The following HK1 variants were observed in gnomAD, a reference collection of about 807,000 sequenced individuals.
HK1 encodes hexokinase 1.
Under a neutral mutation model 91.6 loss-of-function variants are expected in HK1, and 28 were observed. That is an observed-to-expected ratio of 0.31 (90% CI 0.23 to 0.42). HK1 has a LOEUF of 0.42. Ranked by LOEUF, HK1 falls within the 10% of genes least tolerant of loss-of-function variation. The pLI is 1.00. For synonymous variants in HK1, 430 were observed against 468.1 expected (o/e 0.92, Z 1.05); for missense variants, 770 against 1,219.8 (o/e 0.63, Z 5.49).
At chr10:69,324,616 TG>T (rs1399432024) in intron 1 of HK1, among the ~76,000 whole-genome samples, 2 of 152,174 alleles carry the variant, frequency 1.3e-5, no homozygotes, top group African/African-American at 4.8e-5. Context: ...AAGTATTTGC[TG>T]TGTTATATGT....
intron 13 of HK1, among the ~76,000 whole-genome samples, chr10:69,386,963 C>T (rs1564564328): frequency 6.6e-6 from 1 of 151,896 alleles, no homozygotes; most frequent in Non-Finnish European, 1.5e-5. Flanking sequence ...AATCATGACT[C>T]TCATACAAAT....
Position 69,384,981 on chromosome 10 carries a change from G to T in HK1, c.1839+66G>T, listed in dbSNP as rs1291832435. On this transcript the variant is annotated intron_variant, in intron 12 of 17. Coordinates refer to ENST00000359426, the MANE Select transcript of HK1 (RefSeq NM_000188.3). ...GAGTCCCCTGTGGCCTGGGTGGGCT[G>T]GCCCTTGAGGCCTTCTCCAGCCTCA... 9 of 1,542,310 alleles carry T rather than the reference G, an allele frequency of 5.8e-6. No homozygotes were observed. The Admixed American group carries it at 8.3e-5, about 14-fold the overall frequency.
chr10:69,379,958 C>T lies in HK1; in HGVS notation c.1128C>T (p.Thr376=), dbSNP rs1384856161. ...GTGTCTCAGTCCAGCACGTTTGCACCATTGTCTCATTTCGCTCAGCCAACT... is the reference window on the plus strand; with the variant it reads ...GTGTCTCAGTCCAGCACGTTTGCACTATTGTCTCATTTCGCTCAGCCAACT... The part of the protein sequence containing the change: ...DDCVSVQHVC[T]IVSFRSANLV... The change falls in exon 9 of 18, where the codon ACC becomes ACT. Residue 376 remains threonine, a synonymous_variant. Coordinates refer to ENST00000359426, the MANE Select transcript of HK1 (RefSeq NM_000188.3). 11 of 1,614,042 alleles carry T rather than the reference C, an allele frequency of 6.8e-6. No individual in the cohort carries two copies. Among genetic ancestry groups the T allele is most frequent in the South Asian group, 1.1e-5 (1 of 91,086 alleles).
chr10:69,401,532 A>G lies in HK1; in HGVS notation c.*397A>G. On this transcript the variant is annotated 3_prime_UTR_variant, in exon 18 of 18. Coordinates refer to ENST00000359426, the MANE Select transcript of HK1 (RefSeq NM_000188.3). ...CTTGGGGTTCCCCCTCCCTGTGTGA[A>G]ATGTATTATCACCAGCAGACACTGC... 2.8e-6 allele frequency: 1 copy of G among 353,192 alleles called. No homozygotes were observed. The highest frequency in any genetic ancestry group is 2.2e-5 in the South Asian group (1 of 45,450). 21.9% of individuals were successfully genotyped at this position (353,192 alleles called of 1,614,324 possible).
intron 2 of HK1, among the ~76,000 whole-genome samples, chr10:69,348,805 CAA>C (rs772998927): frequency 0.035 from 4,699 of 133,090 alleles, 116 homozygotes; most frequent in African/African-American, 0.067. Flanking sequence ...AACTCTGTCT[CAA>C]AAAAAAAAAA....
chr10:69,376,654 C>A (rs1010543227), intron 7 of HK1, among the ~76,000 whole-genome samples: 1 of 152,218 alleles, frequency 6.6e-6, no homozygotes, highest in Admixed American at 6.5e-5. Context: ...CAAACGCTCC[C>A]CCTGCCTTCA....
At position 69,332,357 on chromosome 10, in the gene HK1, T is replaced by TTTTCTTTCTTTCTTTC. The variant is rs140249017; in HGVS notation, c.64-11458_64-11443dup. 3.5e-4 allele frequency among the ~76,000 whole-genome samples: 49 copies of TTTTCTTTCTTTCTTTC among 140,834 alleles called. 1 individual carries two copies. The highest frequency in any genetic ancestry group is 1.2e-3 in the African/African-American group (47 of 38,028). The allele number at this position is 140,834 out of a possible 152,430, so 92.4% of individuals were successfully genotyped here. A position where few individuals can be genotyped will look rare whatever the true frequency, so the allele number is the denominator to read the frequency against. ...TGACCATCAAGTTCCCTAGGCCTCATTTTCTTTCTTTCTTTCTTTCTTTCT... is the reference window on the plus strand; with the variant it reads ...TGACCATCAAGTTCCCTAGGCCTCATTTTCTTTCTTTCTTTCTTTCTTTCTTTCTTTCTTTCTTTCT... On this transcript the variant is annotated intron_variant, in intron 1 of 17. Transcript: ENST00000359426.
At chr10:69,385,936 A>C (rs1564563202) in intron 12 of HK1, among the ~76,000 whole-genome samples, 1 of 152,212 alleles carries the variant, frequency 6.6e-6, no homozygotes, top group Admixed American at 6.5e-5. Flanking sequence ...CAGTATTACT[A>C]AACTCTTAGG....
intron 10 of HK1, among the ~76,000 whole-genome samples, chr10:69,383,169 T>G (rs894650220): frequency 3.9e-5 from 6 of 151,994 alleles, no homozygotes; most frequent in African/African-American, 1.5e-4. Flanking sequence ...AGACCCTGTC[T>G]CAAAAAAAAT....
chr10:69,286,709 C>T (rs927832850), intron 2 of HK1, among the ~76,000 whole-genome samples: 9 of 151,796 alleles, frequency 5.9e-5, no homozygotes, highest in African/African-American at 1.9e-4. Context: ...CTACCATGCC[C>T]GGCTAATTTT....
At chr10:69,384,949 C>T in intron 12 of HK1, 34 bp downstream of exon 12, 1 of 1,612,974 alleles carries the variant, frequency 6.2e-7, no homozygotes. Context: ...AGTGATCGGG[C>T]AGCACTGAGT....
At chr10:69,376,222 A>G (rs755390947) in intron 7 of HK1, among the ~76,000 whole-genome samples, 26 of 152,154 alleles carry the variant, frequency 1.7e-4, no homozygotes, top group Admixed American at 1.5e-3. Context: ...GGGGTCTCCC[A>G]TAGGAGTGGA....
intron 1 of HK1, among the ~76,000 whole-genome samples, chr10:69,336,937 G>T (rs1355287371): frequency 6.6e-6 from 1 of 152,096 alleles, no homozygotes; most frequent in Non-Finnish European, 1.5e-5. Context: ...GAGCCACCGT[G>T]CCTGGCCGGT....
At chr10:69,275,402 CTT>C (rs1589426959) in intron 1 of HK1, among the ~76,000 whole-genome samples, 3 of 151,228 alleles carry the variant, frequency 2.0e-5, no homozygotes, top group African/African-American at 7.3e-5. Flanking sequence ...AAAAAAACAA[CTT>C]AAATTTGTAC....
intron 14 of HK1, among the ~76,000 whole-genome samples, chr10:69,389,839 T>G (rs1019454171): frequency 5.9e-5 from 9 of 152,122 alleles, no homozygotes; most frequent in Admixed American, 2.0e-4. Flanking sequence ...TGCAGAGGGG[T>G]TGTCTCTGCA....
chr10:69,295,237 C>T (rs1024233868), intron 3 of HK1, among the ~76,000 whole-genome samples: 1 of 152,146 alleles, frequency 6.6e-6, no homozygotes, highest in African/African-American at 2.4e-5. Flanking sequence ...CCTGTGCTCC[C>T]ACAGCTCCTC....
At chr10:69,337,419 C>A (rs996003714) in intron 1 of HK1, among the ~76,000 whole-genome samples, 2 of 152,226 alleles carry the variant, frequency 1.3e-5, no homozygotes, top group African/African-American at 4.8e-5. Flanking sequence ...CATTAAAGCA[C>A]CTGCTTCCTG....
chr10:69,295,296 C>T (rs569889180), intron 3 of HK1, among the ~76,000 whole-genome samples: 10 of 152,248 alleles, frequency 6.6e-5, no homozygotes, highest in Admixed American at 1.3e-4. Context: ...CATTACTGAC[C>T]GGCACATCTG....
intron 1 of HK1, chr10:69,338,232 G>C (rs1224160879): frequency 9.8e-6 from 11 of 1,122,934 alleles, no homozygotes; most frequent in Non-Finnish European, 1.2e-5. Context: ...CAGCCGGTCT[G>C]GCTACCCTCA....
Sources: allele counts gnomAD v4.1 joint callset (sites outside exome capture counted in the v4.1 genomes callset), GRCh38; gene constraint gnomAD v4.1.1; transcripts MANE v1.5; gene names NCBI Gene and HGNC (gene_info 2026-07-23, HGNC 2026-07-21).